The following DGKB variants were observed in gnomAD, a reference collection of about 807,000 sequenced individuals.
DGKB encodes the protein diacylglycerol kinase beta, also known as 90 kDa diacylglycerol kinase.
In DGKB, 67 loss-of-function variants were observed where a neutral mutation model predicts 114.3. The observed-to-expected ratio is 0.59, with a 90% CI of 0.48 to 0.72. DGKB has a LOEUF of 0.72. Ranked by LOEUF, DGKB falls within the 30% of genes least tolerant of loss-of-function variation. The pLI is 0.00. For missense variants in DGKB, 907 were observed against 975.2 expected (o/e 0.93, Z 0.93); for synonymous variants, 398 against 323.1 (o/e 1.23, Z -2.49).
intron 21 of DGKB, among the ~76,000 whole-genome samples, chr7:14,359,550 G>C (rs1287817549): frequency 6.6e-6 from 1 of 151,616 alleles, no homozygotes; most frequent in African/African-American, 2.4e-5. Context: ...TGGGAGAAAA[G>C]TTTTGCAATC....
chr7:14,247,733 T>C (rs1794687246), intron 23 of DGKB, among the ~76,000 whole-genome samples: 1 of 152,072 alleles, frequency 6.6e-6, no homozygotes. Flanking sequence ...GTTCCTTATA[T>C]ATTTTTACTA....
At chr7:14,854,583 C>G (rs1039638475) in intron 1 of DGKB, among the ~76,000 whole-genome samples, 12 of 152,214 alleles carry the variant, frequency 7.9e-5, no homozygotes, top group Middle Eastern at 3.4e-3. Context: ...GGTTTGTGCT[C>G]CTATGAGAAT....
intron 23 of DGKB, among the ~76,000 whole-genome samples, chr7:14,262,532 G>A (rs550549534): frequency 6.6e-6 from 1 of 152,224 alleles, no homozygotes; most frequent in African/African-American, 2.4e-5. Context: ...AGAACTGTGA[G>A]AAATAAATTA....
intron 23 of DGKB, among the ~76,000 whole-genome samples, chr7:14,233,358 G>A (rs1355786905): frequency 1.3e-5 from 2 of 152,044 alleles, no homozygotes; most frequent in African/African-American, 4.8e-5. Flanking sequence ...TTCTTTGCCA[G>A]GGGAGGATGT....
At chr7:14,957,082 T>C (rs549218377) in intron 1 of DGKB, among the ~76,000 whole-genome samples, 586 of 152,100 alleles carry the variant, frequency 3.9e-3, no homozygotes, top group Middle Eastern at 0.01. Flanking sequence ...TCTAGTTTCA[T>C]GGTTGAAAAT....
At chr7:14,368,309 G>A (rs1817041796) in intron 21 of DGKB, among the ~76,000 whole-genome samples, 2 of 152,188 alleles carry the variant, frequency 1.3e-5, no homozygotes, top group East Asian at 1.9e-4. Flanking sequence ...ATAATGACAG[G>A]TATTCACCTT....
At chr7:14,316,018 T>G (rs1213585574) in intron 23 of DGKB, among the ~76,000 whole-genome samples, 1 of 150,968 alleles carries the variant, frequency 6.6e-6, no homozygotes, top group Non-Finnish European at 1.5e-5. Context: ...CTGAACAACC[T>G]GCTCCTGAAT....
chr7:14,336,779 C>G (rs1383610573), intron 23 of DGKB, among the ~76,000 whole-genome samples: 1 of 152,068 alleles, frequency 6.6e-6, no homozygotes, highest in Non-Finnish European at 1.5e-5. Flanking sequence ...TGCAGCAGCT[C>G]CAGAGCGAGT....
chr7:14,932,833 T>C (rs1785091454), intron 1 of DGKB, among the ~76,000 whole-genome samples: 1 of 152,094 alleles, frequency 6.6e-6, no homozygotes, highest in African/African-American at 2.4e-5. Context: ...AGGCAACTGG[T>C]GTTGGTACCT....
intron 20 of DGKB, among the ~76,000 whole-genome samples, chr7:14,502,550 T>A (rs1477463113): frequency 6.6e-6 from 1 of 152,076 alleles, no homozygotes; most frequent in Non-Finnish European, 1.5e-5. Context: ...CAGGATTCAT[T>A]TATAATTCTG....
intron 23 of DGKB, among the ~76,000 whole-genome samples, chr7:14,179,424 A>G (rs910917062): frequency 2.0e-5 from 3 of 152,208 alleles, no homozygotes; most frequent in Non-Finnish European, 4.4e-5. Context: ...CAGAAAAACT[A>G]GAGGAGTGGA....
At chr7:14,488,648 T>TAA (rs10583401) in intron 20 of DGKB, among the ~76,000 whole-genome samples, 12,682 of 121,126 alleles carry the variant, frequency 0.1, 901 homozygotes, top group East Asian at 0.45. Context: ...CCATTTCCAC[T>TAA]AAAAAAAAAA....
upstream of DGKB, among the ~76,000 whole-genome samples, chr7:14,904,748 T>C (rs1186431647): frequency 6.6e-6 from 1 of 152,160 alleles, no homozygotes; most frequent in East Asian, 1.9e-4. Flanking sequence ...CAAATAGCTA[T>C]TTTTCTCTTC....
At chr7:14,880,897 T>A (rs367826111) in intron 1 of DGKB, among the ~76,000 whole-genome samples, 5 of 152,274 alleles carry the variant, frequency 3.3e-5, no homozygotes, top group South Asian at 4.1e-4. Context: ...TATTTGCTCG[T>A]TTCCAGTTTT....
intron 23 of DGKB, among the ~76,000 whole-genome samples, chr7:14,224,148 C>T (rs932813612): frequency 1.3e-5 from 2 of 151,734 alleles, no homozygotes; most frequent in African/African-American, 4.8e-5. Context: ...TATTTCCCTT[C>T]TAGTACTCCA....
At chr7:14,257,385 AAG>A (rs1338586139) in intron 23 of DGKB, among the ~76,000 whole-genome samples, 1 of 152,096 alleles carries the variant, frequency 6.6e-6, no homozygotes, top group Non-Finnish European at 1.5e-5. Context: ...CTTTATTTGG[AAG>A]AGTCTCTGAG....
rs1406796948 is a variant in DGKB, at chr7:14,314,049, C to T, written c.2122+24466G>A. ...TGACACCTCACACTGCAGGGTACTC[C>T]AACAGACCTGCAGCTGAGGGTCCTG... On this transcript the variant is annotated intron_variant, in intron 23 of 25. Transcript: ENST00000402815. 3.9e-5 allele frequency among the ~76,000 whole-genome samples: 6 copies of T among 152,268 alleles called. No homozygotes were observed. The East Asian group carries it at 1.2e-3, about 29-fold the overall frequency.
chr7:14,648,277 C>A (rs1813572536), intron 13 of DGKB, among the ~76,000 whole-genome samples: 1 of 152,128 alleles, frequency 6.6e-6, no homozygotes, highest in East Asian at 1.9e-4. Flanking sequence ...AGTAGTTCTC[C>A]CAGCATGCAG....
At chr7:14,242,299 C>T (rs949099857) in intron 23 of DGKB, among the ~76,000 whole-genome samples, 2 of 152,048 alleles carry the variant, frequency 1.3e-5, no homozygotes, top group African/African-American at 4.8e-5. Context: ...ACCGAAAGGC[C>T]CTGCAGGGCA....
Sources: allele counts gnomAD v4.1 joint callset (sites outside exome capture counted in the v4.1 genomes callset), GRCh38; gene constraint gnomAD v4.1.1; transcripts MANE v1.5; gene names NCBI Gene and HGNC (gene_info 2026-07-23, HGNC 2026-07-21).